Variants in DOK6 observed in about 807,000 individuals in gnomAD.
DOK6 encodes the protein downstream of tyrosine kinase 6.
Under a neutral mutation model 44.0 loss-of-function variants are expected in DOK6, and 22 were observed. The observed-to-expected ratio is 0.50, with a 90% CI of 0.36 to 0.71. The LOEUF is 0.71. DOK6 is among the 30% of genes least tolerant of loss of function. The pLI is 0.00. For missense variants in DOK6, 340 were observed against 416.4 expected (o/e 0.82, Z 1.60); for synonymous variants, 166 against 145.5 (o/e 1.14, Z -1.01).
intron 2 of DOK6, among the ~76,000 whole-genome samples, chr18:69,596,971 G>C (rs1003024482): frequency 2.0e-5 from 3 of 151,848 alleles, no homozygotes; most frequent in African/African-American, 7.3e-5. Flanking sequence ...AGGAACAAAA[G>C]AAAAGATACA....
chr18:69,413,177 C>T (rs1187969879), intron 1 of DOK6, among the ~76,000 whole-genome samples: 1 of 152,068 alleles, frequency 6.6e-6, no homozygotes, highest in Admixed American at 6.6e-5. Context: ...GCTTCTGTTG[C>T]TTGCAACTAA....
rs571478888 is a variant in DOK6, at chr18:69,516,552, C to T, written c.67-47935C>T. ...TGGTCATTAAAATGTACTAGGCAAA[C>T]ATTTATCTAAAGGCAAAGAGATTTG... On this transcript the variant is annotated intron_variant, in intron 1 of 7. Transcript: ENST00000382713. Among the ~76,000 whole-genome samples the T allele has an allele frequency of 3.2e-4, 48 of 152,226 alleles. 1 individual carries two copies. Among genetic ancestry groups the T allele is most frequent in the African/African-American group, 1.1e-3 (47 of 41,542 alleles).
chr18:69,694,824 C>T (rs1334717228), intron 4 of DOK6, among the ~76,000 whole-genome samples: 1 of 152,078 alleles, frequency 6.6e-6, no homozygotes. Context: ...GTTTAGTTTT[C>T]TTTAATAATG....
At chr18:69,687,199 A>G (rs1029232118) in intron 4 of DOK6, among the ~76,000 whole-genome samples, 4 of 152,262 alleles carry the variant, frequency 2.6e-5, no homozygotes, top group African/African-American at 7.2e-5. Flanking sequence ...CCAATATTAT[A>G]CAAAAAAGAT....
chr18:69,407,035 C>T (rs1195795121), intron 1 of DOK6, among the ~76,000 whole-genome samples: 3 of 152,084 alleles, frequency 2.0e-5, no homozygotes, highest in Non-Finnish European at 2.9e-5. Context: ...GCACTGAGAT[C>T]GTGCCACTGC....
At chr18:69,565,521 GTATATA>G (rs67342514) in intron 2 of DOK6, among the ~76,000 whole-genome samples, 161 of 3,164 alleles carry the variant, frequency 0.051, 2 homozygotes, top group Middle Eastern at 0.17. Flanking sequence ...GTGTGTGTGT[GTATATA>G]TATATACATA....
chr18:69,661,216 CCTA>C (rs1985517888), intron 3 of DOK6: 1 of 152,202 alleles, frequency 6.6e-6, no homozygotes, highest in Non-Finnish European at 1.5e-5. Flanking sequence ...CTGTTGACAA[CCTA>C]CTACTTCTTG....
chr18:69,488,323 G>A lies in DOK6; in HGVS notation c.67-76164G>A, dbSNP rs974036242. ...GAGGTTTCAACATATGAAACTGGTC[G>A]AGTGGGACACAAACGTTCAGTCTTA... On this transcript the variant is annotated intron_variant, in intron 1 of 7. Transcript: ENST00000382713. 8.5e-5 allele frequency among the ~76,000 whole-genome samples: 13 copies of A among 152,076 alleles called. 1 individual carries two copies. Among genetic ancestry groups the A allele is most frequent in the Non-Finnish European group, 1.5e-4 (10 of 68,008 alleles).
At chr18:69,840,107 C>G (rs1982172715) in intron 7 of DOK6, among the ~76,000 whole-genome samples, 1 of 152,242 alleles carries the variant, frequency 6.6e-6, no homozygotes, top group South Asian at 2.1e-4. Flanking sequence ...GCCAAACACA[C>G]CTGGCAATAG....
chr18:69,482,958 G>A (rs1980472065), intron 1 of DOK6, among the ~76,000 whole-genome samples: 1 of 151,746 alleles, frequency 6.6e-6, no homozygotes, highest in African/African-American at 2.4e-5. Context: ...TGTCATGGGG[G>A]TTTGCGGTAC....
intron 7 of DOK6, among the ~76,000 whole-genome samples, chr18:69,763,663 G>A (rs1979631560): frequency 6.6e-6 from 1 of 152,120 alleles, no homozygotes; most frequent in Non-Finnish European, 1.5e-5. Flanking sequence ...CAAAAAACAA[G>A]GAAATCAGAT....
At chr18:69,548,234 T>C (rs1982462908) in intron 1 of DOK6, among the ~76,000 whole-genome samples, 1 of 151,366 alleles carries the variant, frequency 6.6e-6, no homozygotes, top group African/African-American at 2.4e-5. Context: ...ATTACAGGCG[T>C]GAGCCACCGC....
At chr18:69,672,571 T>C (rs1242109576) in intron 3 of DOK6, among the ~76,000 whole-genome samples, 1 of 152,060 alleles carries the variant, frequency 6.6e-6, no homozygotes, top group Non-Finnish European at 1.5e-5. Context: ...TTGGCCGGGC[T>C]GGTCTCAAAC....
At chr18:69,535,154 A>G (rs576171409) in intron 1 of DOK6, among the ~76,000 whole-genome samples, 21 of 152,228 alleles carry the variant, frequency 1.4e-4, no homozygotes, top group Admixed American at 1.3e-3. Flanking sequence ...GTATGAGGGG[A>G]ACGAATGTGA....
intron 1 of DOK6, among the ~76,000 whole-genome samples, chr18:69,438,208 A>T (rs955781350): frequency 6.6e-6 from 1 of 152,140 alleles, no homozygotes; most frequent in Non-Finnish European, 1.5e-5. Flanking sequence ...ATAGCATTTT[A>T]TCCATAGTAG....
At chr18:69,627,818 A>C (rs1264042538) in intron 3 of DOK6, among the ~76,000 whole-genome samples, 2 of 152,202 alleles carry the variant, frequency 1.3e-5, no homozygotes, top group Non-Finnish European at 2.9e-5. Context: ...ATCAAGTATG[A>C]GGATGAAGAG....
chr18:69,630,030 T>G (rs547207645), intron 3 of DOK6, among the ~76,000 whole-genome samples: 1 of 152,138 alleles, frequency 6.6e-6, no homozygotes, highest in East Asian at 1.9e-4. Flanking sequence ...CCTCCCAATG[T>G]GCCTATGGTC....
chr18:69,763,527 G>A (rs143136033), intron 7 of DOK6, among the ~76,000 whole-genome samples: 2,002 of 152,164 alleles, frequency 0.013, 22 homozygotes, highest in South Asian at 0.033. Context: ...TTTCCAAGGC[G>A]TTGGGAAATG....
At chr18:69,720,234 A>G (rs1986977893) in intron 5 of DOK6, among the ~76,000 whole-genome samples, 2 of 152,134 alleles carry the variant, frequency 1.3e-5, no homozygotes, top group African/African-American at 4.8e-5. Context: ...TCTAACCAAC[A>G]CAAGACTTGC....
Sources: allele counts gnomAD v4.1 joint callset (sites outside exome capture counted in the v4.1 genomes callset), GRCh38; gene constraint gnomAD v4.1.1; transcripts MANE v1.5; gene names NCBI Gene and HGNC (gene_info 2026-07-23, HGNC 2026-07-21).